The following SLC1A5 variants were observed in gnomAD, a reference collection of about 807,000 sequenced individuals.
The protein encoded by SLC1A5 is solute carrier family 1 member 5, also known as neutral amino acid transporter B(0).
A neutral mutation model predicts 34.9 loss-of-function variants in SLC1A5; 25 were observed. The ratio of observed to expected loss-of-function variants is 0.72; its 90% CI spans 0.52 to 1.00. SLC1A5 has a LOEUF of 1.00. Among genes scored for constraint, SLC1A5 ranks in the 50% least tolerant of loss-of-function variants. The pLI is 0.00. For synonymous variants in SLC1A5, 351 were observed against 341.2 expected, an observed-to-expected ratio of 1.03 and a Z score of -0.32; for missense variants, 637 against 740.0, an observed-to-expected ratio of 0.86 and a Z score of 1.61.
At position 46,787,593 on chromosome 19, in the gene SLC1A5, C is replaced by T. The variant is rs1459865710; in HGVS notation, c.373G>A (p.Gly125Ser). 2 of 1,561,644 alleles carry T rather than the reference C, an allele frequency of 1.3e-6. No homozygotes were observed. Among genetic ancestry groups the T allele is most frequent in the Non-Finnish European group, 8.7e-7 (1 of 1,155,784 alleles). The change falls in exon 1 of 8, where the codon GGC (glycine) becomes AGC (serine). Residue 125 changes from glycine to serine, a missense_variant. Physicochemically the swap from Gly to Ser is moderately conservative, Grantham distance 56. Coordinates refer to ENST00000542575, the MANE Select transcript of SLC1A5 (RefSeq NM_005628.3). This position sits in a 1 kb window ranked among gnomAD's most constrained non-coding sequence, Gnocchi z 5.2. Reference sequence around the variant, plus strand: ...AGCAGCGCCCAGGCGCCCAGACGGCCGAGCGCGCCGGGGTCCAGGCTGGCG... The same window carrying T: ...AGCAGCGCCCAGGCGCCCAGACGGCTGAGCGCGCCGGGGTCCAGGCTGGCG... Reference protein sequence around the residue: ...GAASLDPGALGRLGAWALLFF... With the variant: ...GAASLDPGALSRLGAWALLFF...
chr19:46,778,904 C>T lies in SLC1A5; in HGVS notation c.829G>A (p.Ala277Thr), dbSNP rs765008475. 9.6e-6 allele frequency: 15 copies of T among 1,556,496 alleles called. No individual in the cohort carries two copies. The East Asian group carries it at 1.3e-4, about 14-fold the overall frequency. The change falls in exon 5 of 8, where the codon GCC (alanine) becomes ACC (threonine). Residue 277 changes from alanine (A) to threonine (T), a missense_variant. Transcript: ENST00000542575. The stretch of plus-strand genomic sequence containing the variant: ...ACCAGGAACATGATGCCCACAGGGG[C>T]GTACCTGATCAGTAACACAGGAGAC... ...MVLVSWIMWY[A>T]PVGIMFLVAG...
At position 46,787,549 on chromosome 19, in the gene SLC1A5, C is replaced by T. The variant is rs1022043988; in HGVS notation, c.417G>A (p.Thr139=). 1 of 1,572,154 alleles carries T rather than the reference C, an allele frequency of 6.4e-7. No individual in the cohort carries two copies. The change falls in exon 1 of 8, where the codon ACG becomes ACA. Residue 139 remains threonine, a synonymous_variant. Coordinates refer to ENST00000542575, the MANE Select transcript of SLC1A5 (RefSeq NM_005628.3). This position sits in a 1 kb window ranked among gnomAD's most constrained non-coding sequence, Gnocchi z 5.2. ...CCACTCCGAGCGCCGACGCCAGCAG[C>T]GTGGTGACCAGGAAAAAGAGCAGCG... ...AWALLFFLVT[T]LLASALGVGL...
Position 46,788,045 on chromosome 19 carries a change from A to C in SLC1A5, c.-80T>G. 1 of 1,352,536 alleles carries C rather than the reference A, an allele frequency of 7.4e-7. No individual in the cohort carries two copies. Among genetic ancestry groups the C allele is most frequent in the South Asian group, 1.5e-5 (1 of 65,944 alleles). 83.8% of individuals were successfully genotyped at this position (1,352,536 alleles called of 1,614,324 possible). A position where few individuals can be genotyped will look rare whatever the true frequency, so the allele number is the denominator to read the frequency against. On this transcript the variant is annotated 5_prime_UTR_variant, in exon 1 of 8. Coordinates refer to ENST00000542575, the MANE Select transcript of SLC1A5 (RefSeq NM_005628.3). ...CTCCTTCCCAGGACCCGACGTTCCT[A>C]GGACTGAGTTGAGTAACAGCACCTG...
chr19:46,783,994 G>C, intron 3 of SLC1A5, 103 bp downstream of exon 3: 1 of 852,460 alleles, frequency 1.2e-6, no homozygotes, highest in South Asian at 1.4e-5. Flanking sequence ...GGACTGCAGA[G>C]TGTCAATCAA....
chr19:46,787,320 C>A lies in SLC1A5; in HGVS notation c.566+80G>T. On this transcript the variant is annotated intron_variant, in intron 1 of 7. Transcript: ENST00000542575. The surrounding 1 kb of genome is among the most constrained non-coding windows in gnomAD (Gnocchi z 5.2). ...GAGGGAAGTCTCTGCTCCAGGGGCC[C>A]CAAAGCCCCGTCCTGTCCACGTGAC... is the stretch of plus-strand genomic sequence containing the variant. 1 of 1,530,804 alleles carries A rather than the reference C, an allele frequency of 6.5e-7. No individual in the cohort carries two copies. Among genetic ancestry groups the A allele is most frequent in the South Asian group, 1.2e-5 (1 of 82,354 alleles). 94.8% of individuals were successfully genotyped at this position (1,530,804 alleles called of 1,614,324 possible). A position where few individuals can be genotyped will look rare whatever the true frequency, so the allele number is the denominator to read the frequency against.
At position 46,787,343 on chromosome 19, in the gene SLC1A5, G is replaced by T; in HGVS notation, c.566+57C>A. On this transcript the variant is annotated intron_variant, in intron 1 of 7. Coordinates refer to ENST00000542575, the MANE Select transcript of SLC1A5 (RefSeq NM_005628.3). The surrounding 1 kb of genome is among the most constrained non-coding windows in gnomAD (Gnocchi z 5.2). ...CCCCAAAGCCCCGTCCTGTCCACGT[G>T]ACCACTCCCGCCATCCGTAACACTC... 2 of 1,549,398 alleles carry T rather than the reference G, an allele frequency of 1.3e-6. No homozygotes were observed. The highest frequency in any genetic ancestry group is 2.4e-5 in the South Asian group (2 of 83,966).
rs1373219788 is a variant in SLC1A5 at position 46,775,667 on chromosome 19, T to C, written c.1469A>G (p.Glu490Gly). Residue 490 changes from glutamate (E) to glycine (G), a missense_variant, in exon 8 of 8, where the codon GAG (glutamate) becomes GGG (glycine). Physicochemically the swap from Glu to Gly is moderately conservative, Grantham distance 98 (BLOSUM62 -2). Transcript: ENST00000542575. ...GLLQNYVDRT[E>G]SRSTEPELIQ... is the part of the protein sequence containing the mutation. ...CAACTCAGGCTCTGTGCTTCTCGACTCCGTACGGTCCACGTAATTTTGGAG... is the reference window on the plus strand; with the variant it reads ...CAACTCAGGCTCTGTGCTTCTCGACCCCGTACGGTCCACGTAATTTTGGAG... 6.2e-7 allele frequency: 1 copy of C among 1,613,972 alleles called. No homozygotes were observed. The highest frequency in any genetic ancestry group is 1.7e-5 in the Admixed American group (1 of 59,962).
chr19:46,782,034 C>A lies in SLC1A5; in HGVS notation c.824+349G>T, dbSNP rs916694679. Among the ~76,000 whole-genome samples, 4 of 152,228 alleles carry A rather than the reference C, an allele frequency of 2.6e-5. No homozygotes were observed. In the South Asian group the frequency reaches 6.2e-4, roughly 24 times the overall value. On this transcript the variant is annotated intron_variant, in intron 4 of 7. Coordinates refer to ENST00000542575, the MANE Select transcript of SLC1A5 (RefSeq NM_005628.3). ...TCAGGTTCCCGAGTAACTGGGATTA[C>A]AGGTGCGTGTCCCCATGCCTGGCTA... is the stretch of plus-strand genomic sequence containing the variant.
chr19:46,776,992 CAGGA>C lies in SLC1A5; in HGVS notation c.1367_1370del (p.Ile456ArgfsTer6). On this transcript the variant is annotated frameshift_variant, in exon 7 of 8. Coordinates refer to ENST00000542575, the MANE Select transcript of SLC1A5 (RefSeq NM_005628.3). LOFTEE classifies it low-confidence loss of function (END_TRUNC). ...ACACTCACACTAGCCAGTCCACAGC[CAGGA>C]TCAAGGAGATATGGTCGACCGGGAG... The C allele has an allele frequency of 6.2e-7, 1 of 1,613,880 alleles. No homozygotes were observed. The highest frequency in any genetic ancestry group is 8.5e-7 in the Non-Finnish European group (1 of 1,179,952).
rs747606058 is a variant in SLC1A5, at chr19:46,787,495, G to A, written c.471C>T (p.Ala157=). 6 of 1,584,358 alleles carry A rather than the reference G, an allele frequency of 3.8e-6. No individual in the cohort carries two copies. The Admixed American group carries it at 7.3e-5, about 19-fold the overall frequency. Residue 157 remains alanine (A), a synonymous_variant, in exon 1 of 8, where the codon GCC becomes GCT. Coordinates refer to ENST00000542575, the MANE Select transcript of SLC1A5 (RefSeq NM_005628.3). The surrounding 1 kb of genome is among the most constrained non-coding windows in gnomAD (Gnocchi z 5.2). The stretch of plus-strand genomic sequence containing the variant: ...CGGAGGCGTTGATGGCGGCGGAGGC[G>A]GCGCCCGGCTGCAGAGCCAGCGCCA... ...VGLALALQPG[A]ASAAINASVG...
intron 4 of SLC1A5, 37 bp downstream of exon 4, chr19:46,782,346 A>AACCCCCCCCCCCCCCCCCCCCCCCC: frequency 5.3e-6 from 3 of 567,984 alleles, no homozygotes; most frequent in South Asian, 1.8e-5. Context: ...CGACCCTCCA[A>AACCCCCCCCCCCCCCCCCCCCCCCC]CCCCACCCAC....
At chr19:46,782,140 C>T (rs1039263228) in intron 4 of SLC1A5, among the ~76,000 whole-genome samples, 8 of 152,106 alleles carry the variant, frequency 5.3e-5, no homozygotes, top group African/African-American at 1.9e-4. Flanking sequence ...AAGTGATCCA[C>T]CCACCTCCTC....
chr19:46,782,342 T>TGCCCCCCCCCCC, intron 4 of SLC1A5, 41 bp downstream of exon 4: 2 of 523,370 alleles, frequency 3.8e-6, no homozygotes, highest in Non-Finnish European at 3.5e-6. Flanking sequence ...AGACCGACCC[T>TGCCCCCCCCCCC]CCAACCCCAC....
At chr19:46,781,455 G>A (rs1273392956) in intron 4 of SLC1A5, among the ~76,000 whole-genome samples, 3 of 152,112 alleles carry the variant, frequency 2.0e-5, no homozygotes, top group Admixed American at 6.6e-5. Context: ...AAAATTAGCC[G>A]GGCATGGTGG....
At position 46,787,659 on chromosome 19, in the gene SLC1A5, T is replaced by C. The variant is rs1428448097; in HGVS notation, c.307A>G (p.Ile103Val). Residue 103 changes from isoleucine to valine, a missense_variant, in exon 1 of 8, where the codon ATC becomes GTC. Transcript: ENST00000542575. This position sits in a 1 kb window ranked among gnomAD's most constrained non-coding sequence, Gnocchi z 5.2. ...GELLLRLLRMIILPLVVCSLI... is the reference protein window; with the variant it reads ...GELLLRLLRMVILPLVVCSLI... Reference sequence around the variant, plus strand: ...CTGCACACCACCAGCGGCAAGATGATCATCCGCAGCAGACGCAGCAGCAGC... The same window carrying C: ...CTGCACACCACCAGCGGCAAGATGACCATCCGCAGCAGACGCAGCAGCAGC... The C allele has an allele frequency of 6.3e-7, 1 of 1,590,928 alleles. No homozygotes were observed. The highest frequency in any genetic ancestry group is 8.5e-7 in the Non-Finnish European group (1 of 1,172,254).
intron 3 of SLC1A5, 75 bp downstream of exon 3, chr19:46,784,022 A>G: frequency 9.0e-7 from 1 of 1,106,216 alleles, no homozygotes; most frequent in Non-Finnish European, 1.4e-6. Flanking sequence ...AGCAAAGACT[A>G]AGGCAGAAAT....
chr19:46,779,991 T>C (rs1390266638), intron 4 of SLC1A5, among the ~76,000 whole-genome samples: 1 of 151,938 alleles, frequency 6.6e-6, no homozygotes, highest in African/African-American at 2.4e-5. Context: ...TAGCTGGGAC[T>C]ATAGGCGCGT....
Position 46,775,546 on chromosome 19 carries a change from AT to A in SLC1A5, c.1589del (p.Asp530ValfsTer32). The A allele has an allele frequency of 6.2e-7, 1 of 1,613,762 alleles. No homozygotes were observed. The highest frequency in any genetic ancestry group is 8.5e-7 in the Non-Finnish European group (1 of 1,179,818). On this transcript the variant is annotated frameshift_variant, in exon 8 of 8. Coordinates refer to ENST00000542575, the MANE Select transcript of SLC1A5 (RefSeq NM_005628.3). LOFTEE classifies it high-confidence loss of function. ...LLKHYRGPAG[D>X]ATVASEKESV... ...ATTCCTTCTCAGAGGCGACCGTGGC[AT>A]CCCCTGCGGGCCCCCGATAGTGTTT...
chr19:46,782,346 A>AACCCCCCCCCCCCCCCCCCCCCCTCCC, intron 4 of SLC1A5, 37 bp downstream of exon 4: 1 of 567,986 alleles, frequency 1.8e-6, no homozygotes, highest in South Asian at 1.8e-5. Context: ...CGACCCTCCA[A>AACCCCCCCCCCCCCCCCCCCCCCTCCC]CCCCACCCAC....
Sources: gnomAD v4.1 joint callset for allele counts (sites outside exome capture counted in the v4.1 genomes callset) on GRCh38, gnomAD v4.1.1 for gene constraint, Gnocchi (gnomAD v3.1) non-coding constraint, MANE v1.5 for transcripts, NCBI Gene and HGNC (gene_info 2026-07-23, HGNC 2026-07-21) for gene names.